Variants in ASIC2 observed in about 807,000 individuals in gnomAD.
ASIC2 encodes acid-sensing ion channel 2.
A neutral mutation model predicts 57.3 loss-of-function variants in ASIC2; 25 were observed. That is an observed-to-expected ratio of 0.44 (90% CI 0.32 to 0.61). ASIC2 has a LOEUF of 0.61. ASIC2 is among the 20% of genes least tolerant of loss of function. The pLI is 0.06. For synonymous variants in ASIC2, 319 were observed against 307.5 expected (o/e 1.04, Z -0.39); for missense variants, 641 against 738.1 (o/e 0.87, Z 1.52).
At chr17:33,643,562 AT>A (rs1906648628) in intron 1 of ASIC2, among the ~76,000 whole-genome samples, 1 of 152,216 alleles carries the variant, frequency 6.6e-6, no homozygotes, top group South Asian at 2.1e-4. Flanking sequence ...GCATTAAGTT[AT>A]TGGGCCAGGA....
At chr17:33,875,263 T>C (rs1332504152) in intron 1 of ASIC2, among the ~76,000 whole-genome samples, 1 of 152,226 alleles carries the variant, frequency 6.6e-6, no homozygotes, top group African/African-American at 2.4e-5. Context: ...TAACACATAA[T>C]TGGACTCATT....
intron 1 of ASIC2, among the ~76,000 whole-genome samples, chr17:33,223,483 C>A (rs1907761674): frequency 6.6e-6 from 1 of 152,236 alleles, no homozygotes; most frequent in Middle Eastern, 3.4e-3. Flanking sequence ...ATGCCCGGCC[C>A]CCCTTTTCTA....
chr17:33,155,549 C>CTTCT (rs1216125241), intron 1 of ASIC2, among the ~76,000 whole-genome samples: 1 of 139,754 alleles, frequency 7.2e-6, no homozygotes, highest in Non-Finnish European at 1.5e-5. Flanking sequence ...TCTTTTTTCT[C>CTTCT]TTCTTTCTTT....
At chr17:34,106,542 ATATCTATC>A (rs562225945) in intron 1 of ASIC2, among the ~76,000 whole-genome samples, 1 of 152,144 alleles carries the variant, frequency 6.6e-6, no homozygotes, top group Admixed American at 6.5e-5. Context: ...TTTATCAATC[ATATCTATC>A]TATCCATCTA....
chr17:33,588,764 G>A (rs1453135490), intron 1 of ASIC2, among the ~76,000 whole-genome samples: 2 of 152,232 alleles, frequency 1.3e-5, no homozygotes, highest in African/African-American at 4.8e-5. Context: ...ATATGGAGAT[G>A]TTTGAGCCTG....
chr17:33,491,826 G>A (rs1913769523), intron 1 of ASIC2, among the ~76,000 whole-genome samples: 1 of 152,236 alleles, frequency 6.6e-6, no homozygotes, highest in African/African-American at 2.4e-5. Flanking sequence ...GCTTAAGAGG[G>A]AAAGGCAAGA....
chr17:34,007,123 A>G (rs928112260), intron 1 of ASIC2, among the ~76,000 whole-genome samples: 1 of 152,226 alleles, frequency 6.6e-6, no homozygotes, highest in Non-Finnish European at 1.5e-5. Context: ...CTGGAAGGTA[A>G]CAGCAGCCCA....
chr17:33,095,960 G>A (rs1405519938), intron 2 of ASIC2, among the ~76,000 whole-genome samples: 1 of 152,226 alleles, frequency 6.6e-6, no homozygotes, highest in Non-Finnish European at 1.5e-5. Context: ...CCCATCAGCA[G>A]CTGGGCCACT....
intron 3 of ASIC2, among the ~76,000 whole-genome samples, chr17:33,079,597 G>A (rs920336011): frequency 2.0e-5 from 3 of 152,056 alleles, no homozygotes; most frequent in African/African-American, 7.3e-5. Context: ...TCATGTTGTT[G>A]CAGAGAATGG....
chr17:34,030,818 G>C (rs1429392118), intron 1 of ASIC2, among the ~76,000 whole-genome samples: 1 of 152,186 alleles, frequency 6.6e-6, no homozygotes, highest in Non-Finnish European at 1.5e-5. Context: ...AGGGGCACCC[G>C]CAATTGCCCA....
intron 5 of ASIC2, 104 bp downstream of exon 5, chr17:33,025,822 C>A: frequency 8.6e-7 from 1 of 1,159,734 alleles, no homozygotes; most frequent in South Asian, 1.6e-5. Context: ...CATCCTCTCT[C>A]CATTCCTTCT....
intron 1 of ASIC2, among the ~76,000 whole-genome samples, chr17:34,040,045 C>G (rs889525177): frequency 4.7e-5 from 7 of 148,056 alleles, no homozygotes; most frequent in Non-Finnish European, 1.0e-4. Flanking sequence ...CCGGGCTCCA[C>G]GAGAGGGCGG....
At chr17:33,843,924 G>T (rs893424811) in intron 1 of ASIC2, among the ~76,000 whole-genome samples, 1 of 152,208 alleles carries the variant, frequency 6.6e-6, no homozygotes, top group Non-Finnish European at 1.5e-5. Context: ...AGCCTTGGGA[G>T]TCAAGCACCT....
chr17:33,318,840 G>A (rs948554164), intron 1 of ASIC2, among the ~76,000 whole-genome samples: 13 of 152,184 alleles, frequency 8.5e-5, no homozygotes, highest in African/African-American at 1.9e-4. Context: ...AAGTTTGAGC[G>A]GGAAAAAGCT....
At chr17:33,102,402 T>C (rs1460483708) in intron 2 of ASIC2, among the ~76,000 whole-genome samples, 1 of 152,182 alleles carries the variant, frequency 6.6e-6, no homozygotes, top group African/African-American at 2.4e-5. Context: ...CTTTAAAGAT[T>C]TTTTTCTTTA....
In ASIC2 at chr17:33,763,916, T is replaced by C. The variant is rs140043022; in HGVS notation, c.555+392062A>G. ...TTCTTAGAAACCACTCTGCTTATCT[T>C]TGTTTGTGTTGGAGGATTTCCCCTG... is the stretch of plus-strand genomic sequence containing the variant. On this transcript the variant is annotated intron_variant, in intron 1 of 9. Transcript: ENST00000359872. 8.5e-3 allele frequency among the ~76,000 whole-genome samples: 1,297 copies of C among 152,314 alleles called. 15 individuals are homozygous for C. The highest frequency in any genetic ancestry group is 0.03 in the African/African-American group (1,240 of 41,578).
intron 1 of ASIC2, among the ~76,000 whole-genome samples, chr17:33,475,680 T>C (rs1913196635): frequency 6.6e-6 from 1 of 152,208 alleles, no homozygotes; most frequent in African/African-American, 2.4e-5. Context: ...AATTGCCAAG[T>C]CTTTTGCAGC....
At chr17:33,132,272 C>A (rs2092349352) in intron 1 of ASIC2, among the ~76,000 whole-genome samples, 1 of 152,194 alleles carries the variant, frequency 6.6e-6, no homozygotes. Flanking sequence ...GATGGTTCTG[C>A]CCCCAAACTG....
chr17:33,122,998 T>C (rs1485863719), intron 1 of ASIC2, among the ~76,000 whole-genome samples: 3 of 152,234 alleles, frequency 2.0e-5, no homozygotes, highest in Non-Finnish European at 4.4e-5. Context: ...TAACAAGTAT[T>C]GGTGAAGACG....
Sources: gnomAD v4.1 joint callset for allele counts (sites outside exome capture counted in the v4.1 genomes callset) on GRCh38, gnomAD v4.1.1 for gene constraint, MANE v1.5 for transcripts, NCBI Gene and HGNC (gene_info 2026-07-23, HGNC 2026-07-21) for gene names.